The following FAM135A variants were observed in gnomAD, a reference collection of about 807,000 sequenced individuals.
FAM135A encodes the protein protein FAM135A.
Under a neutral mutation model 146.8 loss-of-function variants are expected in FAM135A, and 79 were observed. That is an observed-to-expected ratio of 0.54 (90% CI 0.45 to 0.65). The LOEUF (loss-of-function observed/expected upper bound fraction) is 0.65. Among genes scored for constraint, FAM135A ranks in the 30% least tolerant of loss-of-function variants. The pLI is 0.00. For missense variants in FAM135A, 1,623 were observed against 1,758.2 expected (o/e 0.92, Z 1.38); for synonymous variants, 562 against 603.6 (o/e 0.93, Z 1.01).
rs1259752222 is a variant in FAM135A at position 70,477,280 on chromosome 6, G to A, written c.490G>A (p.Val164Met). ...VMFDYFHLSV[V>M]SVTVHASLVA... ...GTTTGATTACTTCCACCTTTCTGTT[G>A]TGTCTGTTACAGTTCATGCATCATT... is the stretch of plus-strand genomic sequence containing the variant. Residue 164 changes from valine to methionine, a missense_variant, in exon 8 of 22, where the codon GTG (valine) becomes ATG (methionine). This residue lies in a region of FAM135A where 16 missense variants were observed against 39.0 expected (regional missense o/e 0.41). Coordinates refer to ENST00000418814, the MANE Select transcript of FAM135A (RefSeq NM_001162529.3). The A allele has an allele frequency of 3.7e-6, 6 of 1,613,426 alleles. No homozygotes were observed. Among genetic ancestry groups the A allele is most frequent in the African/African-American group, 2.7e-5 (2 of 74,966 alleles).
At chr6:70,532,638 G>C (rs549675578) in intron 16 of FAM135A, among the ~76,000 whole-genome samples, 2 of 152,266 alleles carry the variant, frequency 1.3e-5, no homozygotes, top group East Asian at 3.9e-4. Flanking sequence ...AACCACCTAA[G>C]AAACAAACTG....
chr6:70,503,500 T>C (rs1789049594), intron 12 of FAM135A: 1 of 152,144 alleles, frequency 6.6e-6, no homozygotes, highest in African/African-American at 2.4e-5. Flanking sequence ...ACAGGCACAT[T>C]TTATCAAATA....
chr6:70,539,791 C>G (rs1797507789), intron 20 of FAM135A, among the ~76,000 whole-genome samples: 1 of 151,884 alleles, frequency 6.6e-6, no homozygotes, highest in African/African-American at 2.4e-5. Context: ...GTCAGGAGAT[C>G]GAGACCATCC....
intron 21 of FAM135A, 56 bp downstream of exon 21, chr6:70,556,919 A>G: frequency 7.1e-7 from 1 of 1,415,234 alleles, no homozygotes; most frequent in Non-Finnish European, 9.9e-7. Flanking sequence ...TCTTTCCAAA[A>G]TTTTTCTTGT....
At chr6:70,539,825 C>T (rs1037797205) in intron 20 of FAM135A, among the ~76,000 whole-genome samples, 1 of 152,060 alleles carries the variant, frequency 6.6e-6, no homozygotes, top group Non-Finnish European at 1.5e-5. Flanking sequence ...GAAACCCCGT[C>T]TCTACTAAAA....
intron 4 of FAM135A, among the ~76,000 whole-genome samples, chr6:70,450,601 T>G (rs1776795163): frequency 6.6e-6 from 1 of 151,998 alleles, no homozygotes; most frequent in Admixed American, 6.6e-5. Context: ...ATTTCTGGAA[T>G]TCTGTCCTGT....
At position 70,524,352 on chromosome 6, in the gene FAM135A, C is replaced by T; in HGVS notation, c.1268C>T (p.Ala423Val). The T allele has an allele frequency of 3.4e-6, 5 of 1,482,708 alleles. No homozygotes were observed. The highest frequency in any genetic ancestry group is 4.5e-6 in the Non-Finnish European group (5 of 1,121,510). 91.8% of individuals were successfully genotyped at this position (1,482,708 alleles called of 1,614,324 possible). A position where few individuals can be genotyped will look rare whatever the true frequency, so the allele number is the denominator to read the frequency against. Residue 423 changes from alanine to valine, a missense_variant, in exon 15 of 22, where the codon GCA becomes GTA. Ala to Val is a moderately conservative substitution (Grantham distance 64). Around this residue, in one of 7 missense-constraint regions of FAM135A, gnomAD observed 1,061 missense variants for 1,113.8 expected, o/e 0.95. Transcript: ENST00000418814. ...TTTCTTTGGATAAAAGACTTAGATG[C>T]ACCCTGGATGGGAATTCAGAATCTT... ...YLDSVTEDLD[A>V]PWMGIQNLQR...
chr6:70,423,565 G>A (rs1769343660), intron 2 of FAM135A, among the ~76,000 whole-genome samples: 1 of 152,212 alleles, frequency 6.6e-6, no homozygotes, highest in Non-Finnish European at 1.5e-5. Context: ...AAAAAGGGAA[G>A]CAGATGAAGT....
chr6:70,426,441 G>A lies in FAM135A; in HGVS notation c.-131G>A, dbSNP rs990102034. ...GATGTTACTTTTTTTTCTCATAGGGGGAACGGTGTATTTTTAACAACGGGA... is the reference window on the plus strand; with the variant it reads ...GATGTTACTTTTTTTTCTCATAGGGAGAACGGTGTATTTTTAACAACGGGA... On this transcript the variant is annotated splice_region_variant and 5_prime_UTR_variant, in exon 3 of 22. Transcript: ENST00000418814. 6.6e-6 allele frequency: 1 copy of A among 152,012 alleles called. No homozygotes were observed. Among genetic ancestry groups the A allele is most frequent in the African/African-American group, 2.4e-5 (1 of 41,386 alleles). The allele number at this position is 152,012 out of a possible 1,614,324, so 9.4% of individuals were successfully genotyped here.
chr6:70,460,892 C>T (rs1345191944), intron 5 of FAM135A, among the ~76,000 whole-genome samples: 3 of 145,602 alleles, frequency 2.1e-5, no homozygotes, highest in Non-Finnish European at 4.5e-5. Context: ...GGTGGGATCT[C>T]GGCTCACTGC....
At chr6:70,481,805 A>G (rs1783753590) in intron 9 of FAM135A, among the ~76,000 whole-genome samples, 196 bp from the exon 10 acceptor site, 1 of 152,250 alleles carries the variant, frequency 6.6e-6, no homozygotes, top group African/African-American at 2.4e-5. Flanking sequence ...AACCCACTGT[A>G]ACAGAAATTA....
chr6:70,435,062 CGT>C (rs60366617), intron 4 of FAM135A, among the ~76,000 whole-genome samples: 6,416 of 126,670 alleles, frequency 0.051, 459 homozygotes, highest in African/African-American at 0.15. Flanking sequence ...TATATATATA[CGT>C]GTGTGTGTGT....
chr6:70,550,917 T>A (rs1362013984), intron 20 of FAM135A, among the ~76,000 whole-genome samples: 1 of 152,262 alleles, frequency 6.6e-6, no homozygotes, highest in Non-Finnish European at 1.5e-5. Flanking sequence ...CAGCACTTGC[T>A]GCCTCACCTT....
chr6:70,529,452 A>C (rs1394325358), intron 16 of FAM135A, among the ~76,000 whole-genome samples: 1 of 149,746 alleles, frequency 6.7e-6, no homozygotes, highest in Non-Finnish European at 1.5e-5. Context: ...AAAAAAAAAA[A>C]AACCAGACTC....
chr6:70,556,495 C>T (rs1436736871), intron 20 of FAM135A, among the ~76,000 whole-genome samples: 1 of 152,114 alleles, frequency 6.6e-6, no homozygotes, highest in African/African-American at 2.4e-5. Context: ...CGCCTATCTC[C>T]ACACCACTGA....
At chr6:70,523,591 C>T (rs1284628752) in intron 13 of FAM135A, among the ~76,000 whole-genome samples, 2 of 152,078 alleles carry the variant, frequency 1.3e-5, no homozygotes, top group Non-Finnish European at 2.9e-5. Flanking sequence ...TTTTTCCCAG[C>T]ACTAGCATCA....
intron 19 of FAM135A, among the ~76,000 whole-genome samples, chr6:70,536,934 ATTTT>A (rs780326510): frequency 7.8e-6 from 1 of 128,920 alleles, no homozygotes. Context: ...TGGTACTTTG[ATTTT>A]TTTTTTTTTT....
At chr6:70,541,026 C>T (rs1797823814) in intron 20 of FAM135A, among the ~76,000 whole-genome samples, 1 of 152,220 alleles carries the variant, frequency 6.6e-6, no homozygotes, top group Non-Finnish European at 1.5e-5. Context: ...TACCTACCAA[C>T]ATTAATTAAC....
intron 20 of FAM135A, among the ~76,000 whole-genome samples, chr6:70,541,768 T>A (rs1436150347): frequency 6.6e-6 from 1 of 152,170 alleles, no homozygotes. Context: ...AATCTAGTGT[T>A]TTCAGACAGT....
Sources: gnomAD v4.1 joint callset for allele counts (sites outside exome capture counted in the v4.1 genomes callset) on GRCh38, gnomAD v4.1.1 for gene constraint, gnomAD v4.1.1 regional missense constraint, MANE v1.5 for transcripts, NCBI Gene and HGNC (gene_info 2026-07-23, HGNC 2026-07-21) for gene names.